Variants in PCDHA1 observed in about 807,000 individuals in gnomAD.
PCDHA1 encodes the protein protocadherin alpha 1, also known as protocadherin alpha-1.
PCDHA1 carries 42 observed loss-of-function variants against 61.3 expected under a neutral mutation model. The ratio of observed to expected loss-of-function variants is 0.69; its 90% CI spans 0.54 to 0.89. PCDHA1 has a LOEUF of 0.89. Among genes scored for constraint, PCDHA1 ranks in the 40% least tolerant of loss-of-function variants. The pLI, the probability that PCDHA1 is intolerant of heterozygous loss-of-function variation, is 0.00. For missense variants in PCDHA1, 1,256 were observed against 1,235.3 expected (o/e 1.02, Z -0.25); for synonymous variants, 610 against 553.8 (o/e 1.10, Z -1.43).
At chr5:140,808,911 G>A (rs1554124881) in intron 1 of PCDHA1, 21 of 1,613,574 alleles carry the variant, frequency 1.3e-5, no homozygotes, top group South Asian at 6.6e-5. Flanking sequence ...GGCACTGGTG[G>A]CGCAGTGAGC....
intron 1 of PCDHA1, chr5:140,803,403 A>G: frequency 6.2e-7 from 1 of 1,614,250 alleles, no homozygotes; most frequent in Non-Finnish European, 8.5e-7. Context: ...TGGGCCGGGC[A>G]AGCCCACGCT....
At chr5:140,868,969 T>G (rs986271383) in intron 1 of PCDHA1, 1 of 1,450,578 alleles carries the variant, frequency 6.9e-7, no homozygotes, top group South Asian at 1.4e-5. Flanking sequence ...ACAAAGGAAC[T>G]CCATCATACC....
intron 1 of PCDHA1, among the ~76,000 whole-genome samples, chr5:140,894,640 C>T (rs1004479669): frequency 4.6e-5 from 7 of 151,788 alleles, no homozygotes; most frequent in Admixed American, 4.6e-4. Flanking sequence ...CATATCATTA[C>T]TGAGTCTCTC....
intron 1 of PCDHA1, chr5:140,871,720 TA>T: frequency 1.3e-6 from 1 of 767,368 alleles, no homozygotes; most frequent in Non-Finnish European, 2.0e-6. Flanking sequence ...CTATTTCTCT[TA>T]ATATTTGGTT....
At chr5:140,824,256 C>A (rs1554129826) in intron 1 of PCDHA1, 2 of 1,360,236 alleles carry the variant, frequency 1.5e-6, no homozygotes, top group Non-Finnish European at 2.1e-6. Context: ...ACAATTATTG[C>A]ACTAATTCAT....
chr5:140,788,234 G>A lies in PCDHA1; in HGVS notation c.1944G>A (p.Leu648=), dbSNP rs1554118192. The A allele has an allele frequency of 5.0e-6, 8 of 1,614,038 alleles. No individual in the cohort carries two copies. Among genetic ancestry groups the A allele is most frequent in the Non-Finnish European group, 6.8e-6 (8 of 1,179,942 alleles). Residue 648 remains leucine, a synonymous_variant, in exon 1 of 4, where the codon CTG becomes CTA. Transcript: ENST00000504120. ...CTGACTTGTCGCGCTACCGCCTTCT[G>A]GTGCTAGTGAAGGATCACGGTGAGC... is the stretch of plus-strand genomic sequence containing the variant. ...DEADLSRYRL[L]VLVKDHGEPA...
intron 1 of PCDHA1, among the ~76,000 whole-genome samples, chr5:140,839,236 T>C (rs1562375380): frequency 6.6e-6 from 1 of 152,030 alleles, no homozygotes. Flanking sequence ...CTGTTTTTAT[T>C]GCTTTGCTTT....
chr5:140,829,453 G>A, intron 1 of PCDHA1: 1 of 1,613,920 alleles, frequency 6.2e-7, no homozygotes. Flanking sequence ...ATGCTCCGGC[G>A]TTCGCGCAGC....
chr5:140,820,062 C>T (rs1472721652), intron 1 of PCDHA1, among the ~76,000 whole-genome samples: 2 of 151,904 alleles, frequency 1.3e-5, no homozygotes, highest in Non-Finnish European at 1.5e-5. Flanking sequence ...TAGAAAGTGG[C>T]TAACATCAGC....
intron 1 of PCDHA1, chr5:140,966,499 A>C (rs960365429): frequency 1.4e-5 from 6 of 431,834 alleles, no homozygotes; most frequent in Non-Finnish European, 2.4e-5. Context: ...CTGGAGCTGT[A>C]GCGGCAGCAG....
chr5:140,822,628 C>A (rs1170983907), intron 1 of PCDHA1: 4 of 1,610,966 alleles, frequency 2.5e-6, no homozygotes, highest in Non-Finnish European at 3.4e-6. Flanking sequence ...TAATCTTGTT[C>A]TTGACGATGT....
At chr5:141,007,704 C>T (rs2098341593) in intron 3 of PCDHA1, among the ~76,000 whole-genome samples, 1 of 152,200 alleles carries the variant, frequency 6.6e-6, no homozygotes, top group African/African-American at 2.4e-5. Flanking sequence ...CCTCCTCTGC[C>T]TCCCACCACC....
rs2150263250 is a variant in PCDHA1 at position 140,836,539 on chromosome 5, C to A, written c.2394+47855C>A. On this transcript the variant is annotated intron_variant, in intron 1 of 3. Transcript: ENST00000504120. ...TTGGTGCTTACCCTGCTGCTGTACA[C>A]GGCGTTGCGGTGCTCAGCGCCGTCC... 8.1e-6 allele frequency: 13 copies of A among 1,613,680 alleles called. No individual in the cohort carries two copies. In the South Asian group the frequency reaches 1.1e-4, roughly 14 times the overall value.
At chr5:140,938,322 A>G (rs1467948489) in intron 1 of PCDHA1, among the ~76,000 whole-genome samples, 1 of 152,240 alleles carries the variant, frequency 6.6e-6, no homozygotes, top group Admixed American at 6.5e-5. Context: ...ATTGAATAGA[A>G]GTAATGTTAA....
intron 1 of PCDHA1, among the ~76,000 whole-genome samples, chr5:140,833,733 C>T (rs1772600974): frequency 1.4e-5 from 2 of 144,312 alleles, no homozygotes; most frequent in Admixed American, 1.4e-4. Context: ...GCTAATGTTT[C>T]TTGCCTCCTA....
chr5:140,872,178 A>G (rs549229832), intron 1 of PCDHA1, among the ~76,000 whole-genome samples: 2 of 149,926 alleles, frequency 1.3e-5, no homozygotes, highest in Admixed American at 6.6e-5. Context: ...TTTTTTTTTT[A>G]CAGTGTTAAA....
chr5:140,799,108 C>T (rs1452645668), intron 1 of PCDHA1, among the ~76,000 whole-genome samples: 1 of 152,072 alleles, frequency 6.6e-6, no homozygotes, highest in African/African-American at 2.4e-5. Context: ...TTTTTCAAAA[C>T]ATTCTTATTT....
chr5:140,824,612 T>TTTG (rs1562279387), intron 1 of PCDHA1: 3 of 117,268 alleles, frequency 2.6e-5, no homozygotes, highest in African/African-American at 7.9e-5. Context: ...TAATTAAAGT[T>TTTG]TTTTTTTTTT....
Position 140,802,189 on chromosome 5 carries a change from C to T in PCDHA1, c.2394+13505C>T, listed in dbSNP as rs138143542. On this transcript the variant is annotated intron_variant, in intron 1 of 3. Coordinates refer to ENST00000504120, the MANE Select transcript of PCDHA1 (RefSeq NM_018900.4). ...ACGGATAAAGGAAATCCCCCAATGTCAGATCACTGCACAGTTCTACTCGAA... is the reference window on the plus strand; with the variant it reads ...ACGGATAAAGGAAATCCCCCAATGTTAGATCACTGCACAGTTCTACTCGAA... 155 of 1,614,124 alleles carry T rather than the reference C, an allele frequency of 9.6e-5. No homozygotes were observed. The highest frequency in any genetic ancestry group is 6.1e-5 in the Non-Finnish European group (72 of 1,180,052).
Sources: allele counts gnomAD v4.1 joint callset (sites outside exome capture counted in the v4.1 genomes callset), GRCh38; gene constraint gnomAD v4.1.1; transcripts MANE v1.5; gene names NCBI Gene and HGNC (gene_info 2026-07-23, HGNC 2026-07-21).